The following SLC52A3 variants were observed in gnomAD, a reference collection of about 807,000 sequenced individuals.
SLC52A3 encodes solute carrier family 52 member 3, also known as solute carrier family 52, riboflavin transporter, member 3.
Under a neutral mutation model 29.5 loss-of-function variants are expected in SLC52A3, and 20 were observed. The ratio of observed to expected loss-of-function variants is 0.68; its 90% CI spans 0.48 to 0.99. The LOEUF (loss-of-function observed/expected upper bound fraction) is 0.99. Among genes scored for constraint, SLC52A3 ranks in the 50% least tolerant of loss-of-function variants. The probability of loss-of-function intolerance (pLI) is 0.00; values close to 1 mark genes in which losing one functional copy is unlikely to be tolerated. For missense variants in SLC52A3, 548 were observed against 612.9 expected (o/e 0.89, Z 1.12); for synonymous variants, 301 against 271.0 (o/e 1.11, Z -1.09).
chr20:763,085 G>A (rs1986544005), intron 3 of SLC52A3, among the ~76,000 whole-genome samples: 1 of 152,250 alleles, frequency 6.6e-6, no homozygotes, highest in Admixed American at 6.5e-5. Flanking sequence ...ATTAGACCAG[G>A]TCAAGCTCTT....
rs752885290 is a variant in SLC52A3 at position 761,061 on chromosome 20, A to G, written c.1375T>C (p.Ser459Pro). 1 of 1,609,852 alleles carries G rather than the reference A, an allele frequency of 6.2e-7. No homozygotes were observed. The highest frequency in any genetic ancestry group is 1.7e-5 in the Admixed American group (1 of 59,780). ...CAGTGCAGATTGCAGAAGTCCGCGG[A>G]CGAGAAGAGCCGCAGCACGTTGACC... ...PLVNVLRLFS[S>P]ADFCNLHCPA The change falls in exon 5 of 5, where the codon TCC becomes CCC. Residue 459 changes from serine (S) to proline (P), a missense_variant. By Grantham distance (74) the Ser-to-Pro change is moderately conservative (BLOSUM62 -1). Around this residue, in one of 2 missense-constraint regions of SLC52A3, gnomAD observed 173 missense variants for 141.8 expected, o/e 1.22. Transcript: ENST00000645534.
chr20:768,090 T>C (rs1176549527), intron 1 of SLC52A3, among the ~76,000 whole-genome samples: 2 of 152,180 alleles, frequency 1.3e-5, no homozygotes, highest in Non-Finnish European at 2.9e-5. Flanking sequence ...CCGTGGTTTG[T>C]TGTGAGATAT....
upstream of SLC52A3, among the ~76,000 whole-genome samples, chr20:773,468 C>T (rs890194114): frequency 6.6e-6 from 1 of 152,140 alleles, no homozygotes; most frequent in Admixed American, 6.5e-5. Context: ...ACTGTGGACC[C>T]AGCCCTGAGA....
Position 760,834 on chromosome 20 carries a change from G to C in SLC52A3, c.*192C>G. 1.6e-6 allele frequency: 1 copy of C among 613,926 alleles called. No homozygotes were observed. Among genetic ancestry groups the C allele is most frequent in the East Asian group, 2.8e-5 (1 of 36,252 alleles). The allele number at this position is 613,926 out of a possible 1,614,324, so 38.0% of individuals were successfully genotyped here. On this transcript the variant is annotated 3_prime_UTR_variant, in exon 5 of 5. Transcript: ENST00000645534. This position sits in a 1 kb window ranked among gnomAD's most constrained non-coding sequence, Gnocchi z 4.9. ...CTGAGCTGGTCGTCACAGGTAGTGTGACACAGAGTTGGGGATAGAGCCGCA... is the reference window on the plus strand; with the variant it reads ...CTGAGCTGGTCGTCACAGGTAGTGTCACACAGAGTTGGGGATAGAGCCGCA...
chr20:771,143 G>A (rs990621322), upstream of SLC52A3, among the ~76,000 whole-genome samples: 1 of 152,172 alleles, frequency 6.6e-6, no homozygotes, highest in Non-Finnish European at 1.5e-5. Flanking sequence ...TCAGAGGCTG[G>A]GTGCAGTGGC....
chr20:761,592 G>A (rs1986481855), intron 4 of SLC52A3, 109 bp downstream of exon 4: 1 of 1,518,462 alleles, frequency 6.6e-7, no homozygotes, highest in Non-Finnish European at 9.0e-7. Context: ...CTTCCCGGGA[G>A]GGTCCCACAG....
At chr20:768,692 C>T (rs1047908382), upstream of SLC52A3, 6 of 152,304 alleles carry the variant, frequency 3.9e-5, no homozygotes, top group African/African-American at 1.2e-4. Flanking sequence ...TGGGGTGTAA[C>T]GCAGTCAGAT....
upstream of SLC52A3, among the ~76,000 whole-genome samples, chr20:776,203 G>C (rs934792939): frequency 6.6e-6 from 1 of 152,162 alleles, no homozygotes; most frequent in African/African-American, 2.4e-5. Flanking sequence ...ATTTCATGAG[G>C]GTTGATCCCC....
At chr20:774,987 C>T (rs1986967095) in intron 1 of SLC52A3, among the ~76,000 whole-genome samples, 1 of 152,224 alleles carries the variant, frequency 6.6e-6, no homozygotes, top group South Asian at 2.1e-4. Flanking sequence ...CTGGGCTCAG[C>T]AGACCAGGAA....
At chr20:764,395 A>G (rs1046251967) in intron 2 of SLC52A3, among the ~76,000 whole-genome samples, 3 of 149,990 alleles carry the variant, frequency 2.0e-5, no homozygotes, top group East Asian at 2.0e-4. Context: ...AAACATGTTC[A>G]GAGGAGGAGC....
upstream of SLC52A3, among the ~76,000 whole-genome samples, chr20:771,777 T>A (rs553633730): frequency 1.3e-5 from 2 of 152,026 alleles, no homozygotes; most frequent in African/African-American, 2.4e-5. Flanking sequence ...AAGAGTCATT[T>A]CATATATCAA....
In SLC52A3 at chr20:761,073, G is replaced by A. The variant is rs939576852; in HGVS notation, c.1363C>T (p.Arg455Trp). The change falls in exon 5 of 5, where the codon CGG becomes TGG. Residue 455 changes from arginine to tryptophan, a missense_variant. Around this residue, in one of 2 missense-constraint regions of SLC52A3, gnomAD observed 173 missense variants for 141.8 expected, o/e 1.22. Transcript: ENST00000645534. ...LLMFPLVNVL[R>W]LFSSADFCNL... is the part of the protein sequence containing the mutation. The stretch of plus-strand genomic sequence containing the variant: ...CAGAAGTCCGCGGACGAGAAGAGCC[G>A]CAGCACGTTGACCAGAGGGAACATG... The A allele has an allele frequency of 8.7e-6, 14 of 1,609,764 alleles. No individual in the cohort carries two copies. The highest frequency in any genetic ancestry group is 1.3e-5 in the African/African-American group (1 of 74,852).
upstream of SLC52A3, among the ~76,000 whole-genome samples, chr20:772,587 G>GT (rs11475216): frequency 0.072 from 10,662 of 147,508 alleles, 498 homozygotes; most frequent in Middle Eastern, 0.11. Flanking sequence ...TGTATTTTCT[G>GT]TTTTTTTTTT....
chr20:763,502 T>C lies in SLC52A3; in HGVS notation c.1069A>G (p.Asn357Asp). The C allele has an allele frequency of 6.2e-7, 1 of 1,613,926 alleles. No individual in the cohort carries two copies. The highest frequency in any genetic ancestry group is 8.5e-7 in the Non-Finnish European group (1 of 1,179,932). The change falls in exon 3 of 5, where the codon AAC becomes GAC. Residue 357 changes from asparagine (N) to aspartate (D), a missense_variant. Physicochemically the swap from Asn to Asp is conservative, Grantham distance 23 (BLOSUM62 1). Transcript: ENST00000645534. ...TAGGACCAGATGAGGGCACACCTGT[T>C]AGGCAGGAACATGGAGACCAACGAG... ...LASLVSMFLP[N>D]RSLLFLGVLS...
intron 3 of SLC52A3, among the ~76,000 whole-genome samples, chr20:762,189 C>A (rs935849399): frequency 6.6e-6 from 1 of 152,180 alleles, no homozygotes; most frequent in Non-Finnish European, 1.5e-5. Flanking sequence ...GGCCTGGCGC[C>A]GCTGTGGGCC....
chr20:762,298 A>G (rs1026478057), intron 3 of SLC52A3, among the ~76,000 whole-genome samples: 7 of 152,194 alleles, frequency 4.6e-5, no homozygotes, highest in Non-Finnish European at 1.0e-4. Context: ...GGGCATTGGC[A>G]CAGTAGGGTT....
intron 1 of SLC52A3, among the ~76,000 whole-genome samples, chr20:774,794 G>A (rs1986961372): frequency 6.6e-6 from 1 of 152,198 alleles, no homozygotes; most frequent in African/African-American, 2.4e-5. Context: ...CTATTGCACA[G>A]GTGGGGAAAC....
At position 761,453 on chromosome 20, in the gene SLC52A3, T is replaced by A. The variant is rs1986476334; in HGVS notation, c.1198-215A>T. 1.2e-5 allele frequency: 9 copies of A among 741,912 alleles called. No individual in the cohort carries two copies. The South Asian group carries it at 1.5e-4, about 12-fold the overall frequency. The allele number at this position is 741,912 out of a possible 1,614,324, so 46.0% of individuals were successfully genotyped here. A position where few individuals can be genotyped will look rare whatever the true frequency, so the allele number is the denominator to read the frequency against. On this transcript the variant is annotated intron_variant, in intron 4 of 4. Transcript: ENST00000645534. Reference sequence around the variant, plus strand: ...TGGCTTTTCTGGGTTCACGTGCCCATGATCAGGGCAAGGGCCCTTGAGAGA... The same window carrying A: ...TGGCTTTTCTGGGTTCACGTGCCCAAGATCAGGGCAAGGGCCCTTGAGAGA...
At position 775,268 on chromosome 20, in the gene SLC52A3, C is replaced by CTTTTT. The variant is rs57095806; in HGVS notation, c.-238+682_-238+686dup. On this transcript the variant is annotated intron_variant, in intron 1 of 5. Transcript: ENST00000217254. ...TGGGTAAAGTCAGTGGGGGCCCAGT[C>CTTTTT]TTTTTTTTTTTTTTTTTTTTTTTTA... Among the ~76,000 whole-genome samples, 3 of 133,572 alleles carry CTTTTT rather than the reference C, an allele frequency of 2.2e-5. No individual in the cohort carries two copies. The Admixed American group carries it at 2.3e-4, about 10-fold the overall frequency. 87.6% of individuals were successfully genotyped at this position (133,572 alleles called of 152,430 possible).
Sources: gnomAD v4.1 joint callset for allele counts (sites outside exome capture counted in the v4.1 genomes callset) on GRCh38, gnomAD v4.1.1 for gene constraint, gnomAD v4.1.1 regional missense constraint, Gnocchi (gnomAD v3.1) non-coding constraint, MANE v1.5 for transcripts, NCBI Gene and HGNC (gene_info 2026-07-23, HGNC 2026-07-21) for gene names.